CUL3: variants seen among roughly 807,000 people sequenced by gnomAD.
CUL3 encodes the protein cullin 3, also known as cullin-3.
CUL3 carries 19 observed loss-of-function variants against 89.1 expected under a neutral mutation model. That is an observed-to-expected ratio of 0.21 (90% CI 0.15 to 0.31). The LOEUF (loss-of-function observed/expected upper bound fraction) is 0.31. Among genes scored for constraint, CUL3 ranks in the 10% least tolerant of loss-of-function variants. The pLI, the probability that CUL3 is intolerant of heterozygous loss-of-function variation, is 1.00. For synonymous variants in CUL3, 351 were observed against 308.4 expected (o/e 1.14, Z -1.45); for missense variants, 469 against 942.3 (o/e 0.50, Z 6.58).
intron 1 of CUL3, among the ~76,000 whole-genome samples, chr2:224,582,427 A>C (rs1695463051): frequency 6.6e-6 from 1 of 152,234 alleles, no homozygotes; most frequent in African/African-American, 2.4e-5. Context: ...TAACACTGAG[A>C]TATACATCTA....
At chr2:224,510,012 C>T (rs1323351924) in intron 6 of CUL3, among the ~76,000 whole-genome samples, 1 of 152,054 alleles carries the variant, frequency 6.6e-6, no homozygotes, top group Non-Finnish European at 1.5e-5. Context: ...TTTAGTGACA[C>T]ATAAAAATTA....
intron 3 of CUL3, among the ~76,000 whole-genome samples, chr2:224,532,473 AAAC>A: frequency 6.8e-6 from 1 of 147,368 alleles, no homozygotes; most frequent in East Asian, 2.1e-4. Flanking sequence ...AAAAAAAAAA[AAAC>A]AAGGAGAATG....
Position 224,470,644 on chromosome 2 carries a change from G to C in CUL3, c.*3601C>G. ...CTTAAGTATGTAAAACTTTCTCTAAGATTGTAGGAGACAAAGCGCCTATTT... is the reference window on the plus strand; with the variant it reads ...CTTAAGTATGTAAAACTTTCTCTAACATTGTAGGAGACAAAGCGCCTATTT... On this transcript the variant is annotated 3_prime_UTR_variant, in exon 16 of 16. Coordinates refer to ENST00000264414, the MANE Select transcript of CUL3 (RefSeq NM_003590.5). 4.3e-6 allele frequency: 1 copy of C among 231,814 alleles called. No individual in the cohort carries two copies. The highest frequency in any genetic ancestry group is 8.5e-6 in the Non-Finnish European group (1 of 117,174). The allele number at this position is 231,814 out of a possible 1,614,324, so 14.4% of individuals were successfully genotyped here.
chr2:224,521,015 G>A (rs1272627176), intron 3 of CUL3, among the ~76,000 whole-genome samples: 2 of 152,038 alleles, frequency 1.3e-5, no homozygotes, highest in African/African-American at 2.4e-5. Context: ...CTCAGGGAGT[G>A]GCATTACAAA....
chr2:224,502,553 T>C (rs1271247259), intron 10 of CUL3, among the ~76,000 whole-genome samples: 2 of 152,120 alleles, frequency 1.3e-5, no homozygotes, highest in Non-Finnish European at 2.9e-5. Context: ...AGGAGAATAA[T>C]AGTAGTGAGG....
At chr2:224,476,297 G>A (rs770787065) in intron 15 of CUL3, among the ~76,000 whole-genome samples, 3 of 152,124 alleles carry the variant, frequency 2.0e-5, no homozygotes, top group Non-Finnish European at 4.4e-5. Flanking sequence ...GATTACAGGC[G>A]TGAGCCACCG....
rs374741849 is a variant in CUL3, at chr2:224,524,602, T to G, written c.379-9830A>C. ...GTATGTCCTGGAAATAAAGGCAAAC[T>G]GTTAACAGACCAACACTAACTAAAA... On this transcript the variant is annotated intron_variant, in intron 3 of 15. Coordinates refer to ENST00000264414, the MANE Select transcript of CUL3 (RefSeq NM_003590.5). Among the ~76,000 whole-genome samples the G allele has an allele frequency of 2.1e-3, 319 of 152,280 alleles. 4 individuals carry two copies. The highest frequency in any genetic ancestry group is 6.9e-3 in the African/African-American group (287 of 41,568).
At chr2:224,538,172 T>C (rs1654871028) in intron 2 of CUL3, among the ~76,000 whole-genome samples, 1 of 152,186 alleles carries the variant, frequency 6.6e-6, no homozygotes, top group Non-Finnish European at 1.5e-5. Context: ...CACAAACTCA[T>C]GACTGAAAGA....
Position 224,470,285 on chromosome 2 carries a change from T to C in CUL3, c.*3960A>G, listed in dbSNP as rs1356277388. 4.5e-6 allele frequency: 1 copy of C among 224,154 alleles called. No homozygotes were observed. Among genetic ancestry groups the C allele is most frequent in the Non-Finnish European group, 8.9e-6 (1 of 112,520 alleles). 13.9% of individuals were successfully genotyped at this position (224,154 alleles called of 1,614,324 possible). On this transcript the variant is annotated 3_prime_UTR_variant, in exon 16 of 16. Transcript: ENST00000264414. ...TGTTACTAAAAAATACACGTTTACT[T>C]TGAGCTGCTCATGTATAATTTTAAA...
intron 13 of CUL3, among the ~76,000 whole-genome samples, chr2:224,491,660 T>C (rs1691985401): frequency 6.6e-6 from 1 of 152,178 alleles, no homozygotes; most frequent in Non-Finnish European, 1.5e-5. Flanking sequence ...GAAAGGTGTC[T>C]AGTATTTTCC....
intron 1 of CUL3, among the ~76,000 whole-genome samples, chr2:224,572,767 C>T (rs569928238): frequency 3.7e-4 from 57 of 152,212 alleles, no homozygotes; most frequent in African/African-American, 1.3e-3. Context: ...TCTGTCTCTG[C>T]CATGTGCAGA....
rs186807043 is a variant in CUL3 at position 224,474,121 on chromosome 2, G to A, written c.*124C>T. On this transcript the variant is annotated 3_prime_UTR_variant, in exon 16 of 16. Transcript: ENST00000264414. ...AAGGGAGTAAAGGCTTGATCTCAATGGTCTAGAACATGTACTGTAATTTAA... is the reference window on the plus strand; with the variant it reads ...AAGGGAGTAAAGGCTTGATCTCAATAGTCTAGAACATGTACTGTAATTTAA... 193 of 984,222 alleles carry A rather than the reference G, an allele frequency of 2.0e-4. No homozygotes were observed. In the African/African-American group the frequency reaches 2.7e-3, roughly 14 times the overall value. 61.0% of individuals were successfully genotyped at this position (984,222 alleles called of 1,614,324 possible).
At chr2:224,486,228 C>T (rs141110970) in intron 13 of CUL3, among the ~76,000 whole-genome samples, 5 of 152,102 alleles carry the variant, frequency 3.3e-5, no homozygotes, top group Admixed American at 6.5e-5. Flanking sequence ...CAGAACTCCT[C>T]GCCAGCAAGG....
chr2:224,559,474 T>A (rs72974226), intron 1 of CUL3, among the ~76,000 whole-genome samples: 363 of 137,822 alleles, frequency 2.6e-3, no homozygotes, highest in Middle Eastern at 0.023. Context: ...AAAAAAAAAA[T>A]GTCAGTTTCC....
chr2:224,472,339 C>T lies in CUL3; in HGVS notation c.*1906G>A, dbSNP rs1424617779. The T allele has an allele frequency of 2.4e-5, 5 of 210,398 alleles. No individual in the cohort carries two copies. The highest frequency in any genetic ancestry group is 5.9e-5 in the Admixed American group (1 of 16,976). The allele number at this position is 210,398 out of a possible 1,614,324, so 13.0% of individuals were successfully genotyped here. ...GAGATTTCAAATAAAGTTTTTACAT[C>T]GCTCATGTTTACTAACTCGACAATC... is the stretch of plus-strand genomic sequence containing the variant. On this transcript the variant is annotated 3_prime_UTR_variant, in exon 16 of 16. Coordinates refer to ENST00000264414, the MANE Select transcript of CUL3 (RefSeq NM_003590.5).
At chr2:224,508,376 C>G (rs894895745) in intron 6 of CUL3, among the ~76,000 whole-genome samples, 1 of 152,126 alleles carries the variant, frequency 6.6e-6, no homozygotes, top group Non-Finnish European at 1.5e-5. Context: ...AAATTACAAC[C>G]AAGTTTCCCA....
At chr2:224,479,007 A>C (rs576991990) in intron 14 of CUL3, 1 of 152,230 alleles carries the variant, frequency 6.6e-6, no homozygotes, top group Non-Finnish European at 1.5e-5. Context: ...GTCTTACTCT[A>C]TTCTTCCCTA....
At position 224,568,348 on chromosome 2, in the gene CUL3, T is replaced by C. The variant is rs1014309578; in HGVS notation, c.67-10492A>G. ...TCACTACACTCCCATGTAGCTGAAT[T>C]ATCTGTTCATGCATCTTCCTCCACT... On this transcript the variant is annotated intron_variant, in intron 1 of 15. Coordinates refer to ENST00000264414, the MANE Select transcript of CUL3 (RefSeq NM_003590.5). Among the ~76,000 whole-genome samples the C allele has an allele frequency of 8.5e-5, 13 of 152,354 alleles. No homozygotes were observed. The East Asian group carries it at 1.5e-3, about 18-fold the overall frequency.
chr2:224,558,001 A>T (rs1694777867), intron 1 of CUL3, 145 bp from the exon 2 acceptor site: 1 of 546,218 alleles, frequency 1.8e-6, no homozygotes, highest in South Asian at 3.0e-5. Context: ...GAACATTAAC[A>T]ACCTATTTTA....
Sources: allele counts gnomAD v4.1 joint callset (sites outside exome capture counted in the v4.1 genomes callset), GRCh38; gene constraint gnomAD v4.1.1; transcripts MANE v1.5; gene names NCBI Gene and HGNC (gene_info 2026-07-23, HGNC 2026-07-21).